Variants in PALS2 observed in about 807,000 individuals in gnomAD.
The protein encoded by PALS2 is protein PALS2.
PALS2 carries 27 observed loss-of-function variants against 61.6 expected under a neutral mutation model. The observed-to-expected ratio is 0.44, with a 90% CI of 0.32 to 0.60. The LOEUF is 0.60. Ranked by LOEUF, PALS2 falls within the 20% of genes least tolerant of loss-of-function variation. The probability of loss-of-function intolerance (pLI) is 0.05; values close to 1 mark genes in which losing one functional copy is unlikely to be tolerated. For missense variants in PALS2, 554 were observed against 639.4 expected (o/e 0.87, Z 1.44); for synonymous variants, 236 against 218.6 (o/e 1.08, Z -0.70).
chr7:24,669,027 G>C (rs1257813499), intron 9 of PALS2, among the ~76,000 whole-genome samples: 2 of 152,180 alleles, frequency 1.3e-5, no homozygotes, highest in Non-Finnish European at 2.9e-5. Flanking sequence ...AAAGGGGAAA[G>C]CTTCTGACCC....
Position 24,649,835 on chromosome 7 carries a change from GTT to G in PALS2, c.423+73_423+74del. The G allele has an allele frequency of 2.2e-6, 3 of 1,340,028 alleles. No homozygotes were observed. In the South Asian group the frequency reaches 5.8e-5, roughly 26 times the overall value. 83.0% of individuals were successfully genotyped at this position (1,340,028 alleles called of 1,614,324 possible). ...TAATTTGTGGTTCAGTCACTACTCT[GTT>G]TCATTTTTTTTCCTTTTCATAATGT... On this transcript the variant is annotated intron_variant, in intron 4 of 11. Transcript: ENST00000222644.
intron 8 of PALS2, among the ~76,000 whole-genome samples, 177 bp downstream of exon 8, chr7:24,666,266 A>T (rs1787010683): frequency 2.0e-5 from 3 of 152,216 alleles, no homozygotes; most frequent in Admixed American, 2.0e-4. Flanking sequence ...AACCCACATT[A>T]TATATACTAC....
chr7:24,676,102 T>G lies in PALS2; in HGVS notation c.1115-3029T>G, dbSNP rs532478824. Among the ~76,000 whole-genome samples, 762 of 150,990 alleles carry G rather than the reference T, an allele frequency of 5.0e-3. 6 individuals are homozygous for G. Among genetic ancestry groups the G allele is most frequent in the African/African-American group, 0.017 (694 of 40,908 alleles). On this transcript the variant is annotated intron_variant, in intron 9 of 11. Transcript: ENST00000222644. ...TGCCATTCTAACTGGTGTGAGATGGTATCTCATTGTGGTTTTGATTTGCAT... is the reference window on the plus strand; with the variant it reads ...TGCCATTCTAACTGGTGTGAGATGGGATCTCATTGTGGTTTTGATTTGCAT...
In PALS2 at chr7:24,607,181, A is replaced by G. The variant is rs1249819115; in HGVS notation, c.-2-16485A>G. ...TGTGGTTAGATTTTTTAAAAATACT[A>G]CATTGGGGAAAATGAGATTATAATT... On this transcript the variant is annotated intron_variant, in intron 1 of 11. Coordinates refer to ENST00000222644, the MANE Select transcript of PALS2 (RefSeq NM_001303037.2). Among the ~76,000 whole-genome samples the G allele has an allele frequency of 2.6e-5, 4 of 152,152 alleles. No individual in the cohort carries two copies. In the East Asian group the frequency reaches 7.7e-4, roughly 29 times the overall value.
chr7:24,584,828 T>C (rs1442195347), intron 1 of PALS2, among the ~76,000 whole-genome samples: 5 of 151,720 alleles, frequency 3.3e-5, no homozygotes, highest in African/African-American at 7.3e-5. Context: ...CCATCTTGAA[T>C]TAATTTTTGT....
chr7:24,671,451 G>A (rs931675281), intron 9 of PALS2, among the ~76,000 whole-genome samples: 9 of 152,120 alleles, frequency 5.9e-5, no homozygotes, highest in Non-Finnish European at 8.8e-5. Context: ...TGATTTGCAC[G>A]TATTAATATT....
intron 9 of PALS2, among the ~76,000 whole-genome samples, chr7:24,676,518 T>G (rs1439050658): frequency 6.6e-6 from 1 of 152,088 alleles, no homozygotes; most frequent in Non-Finnish European, 1.5e-5. Context: ...GGTCTAACGT[T>G]TAAGTCTTTA....
At position 24,649,708 on chromosome 7, in the gene PALS2, T is replaced by C; in HGVS notation, c.367T>C (p.Leu123=). ...TAATTCTTCTATCAATAATCAGTTA[T>C]TACCAGTAGATGCCATTCGTATTCT... is the stretch of plus-strand genomic sequence containing the variant. ...MNNSSINNQL[L]PVDAIRILGI... is the part of the protein sequence containing the mutation. The change falls in exon 4 of 12, where the codon TTA becomes CTA. Residue 123 remains leucine, a synonymous_variant. Transcript: ENST00000222644. The C allele has an allele frequency of 1.9e-6, 3 of 1,611,668 alleles. No homozygotes were observed. Among genetic ancestry groups the C allele is most frequent in the African/African-American group, 1.3e-5 (1 of 74,852 alleles).
At chr7:24,609,521 A>AT (rs1003088429) in intron 1 of PALS2, among the ~76,000 whole-genome samples, 2 of 152,180 alleles carry the variant, frequency 1.3e-5, no homozygotes, top group African/African-American at 4.8e-5. Flanking sequence ...TTTGGTTGTT[A>AT]TAACACCTGT....
At chr7:24,659,088 G>A (rs1375863015) in intron 5 of PALS2, among the ~76,000 whole-genome samples, 3 of 152,152 alleles carry the variant, frequency 2.0e-5, no homozygotes, top group East Asian at 3.8e-4. Flanking sequence ...CCACTTACAA[G>A]TGAGAACATG....
intron 5 of PALS2, among the ~76,000 whole-genome samples, chr7:24,662,676 G>A (rs1424332952): frequency 1.3e-5 from 2 of 151,172 alleles, no homozygotes; most frequent in East Asian, 1.9e-4. Context: ...GGCTGAGGCA[G>A]GAGAATCACT....
chr7:24,614,934 TAATATC>T (rs1784239797), intron 1 of PALS2, among the ~76,000 whole-genome samples: 1 of 151,884 alleles, frequency 6.6e-6, no homozygotes, highest in Non-Finnish European at 1.5e-5. Flanking sequence ...AAAATCAAAA[TAATATC>T]AAGTATCTTA....
chr7:24,653,093 A>G (rs1164553148), intron 5 of PALS2, among the ~76,000 whole-genome samples: 1 of 152,202 alleles, frequency 6.6e-6, no homozygotes, highest in Non-Finnish European at 1.5e-5. Flanking sequence ...ACTAGAAACA[A>G]TATAAGAAAA....
chr7:24,679,984 T>C (rs1429826244), intron 10 of PALS2, among the ~76,000 whole-genome samples: 1 of 152,182 alleles, frequency 6.6e-6, no homozygotes, highest in African/African-American at 2.4e-5. Context: ...TGGAGATCTT[T>C]TTGTGGTAGT....
intron 11 of PALS2, among the ~76,000 whole-genome samples, chr7:24,682,837 T>C (rs888893058): frequency 1.3e-5 from 2 of 152,270 alleles, no homozygotes; most frequent in African/African-American, 4.8e-5. Context: ...TGTTCCATAG[T>C]CTGGATTTTA....
intron 1 of PALS2, among the ~76,000 whole-genome samples, chr7:24,617,863 A>G (rs1015983262): frequency 6.6e-6 from 1 of 152,118 alleles, no homozygotes; most frequent in Non-Finnish European, 1.5e-5. Context: ...TTGGAGACAC[A>G]ATGCCTGGGT....
intron 5 of PALS2, among the ~76,000 whole-genome samples, chr7:24,654,892 A>G (rs1267713190): frequency 2.6e-5 from 4 of 152,188 alleles, no homozygotes; most frequent in African/African-American, 9.7e-5. Context: ...TATTACTTTG[A>G]TATGTGACAG....
intron 9 of PALS2, among the ~76,000 whole-genome samples, chr7:24,674,825 T>C (rs1318170147): frequency 7.0e-6 from 1 of 143,228 alleles, no homozygotes; most frequent in Non-Finnish European, 1.5e-5. Flanking sequence ...ATGTTATGCA[T>C]CCTGTTTTCA....
intron 11 of PALS2, among the ~76,000 whole-genome samples, chr7:24,683,409 G>A (rs1045113634): frequency 2.0e-5 from 3 of 152,072 alleles, no homozygotes; most frequent in Admixed American, 2.0e-4. Flanking sequence ...TCATGAGCAC[G>A]TATGTTCAAA....
Sources: gnomAD v4.1 joint callset for allele counts (sites outside exome capture counted in the v4.1 genomes callset) on GRCh38, gnomAD v4.1.1 for gene constraint, MANE v1.5 for transcripts, NCBI Gene and HGNC (gene_info 2026-07-23, HGNC 2026-07-21) for gene names.